Variants in THADA observed in about 807,000 individuals in gnomAD.
THADA encodes THADA armadillo repeat containing, also known as tRNA (32-2'-O)-methyltransferase regulator THADA.
THADA carries 213 observed loss-of-function variants against 219.8 expected under a neutral mutation model. The ratio of observed to expected loss-of-function variants is 0.97; its 90% CI spans 0.87 to 1.09. The LOEUF is 1.09. Among genes scored for constraint, THADA ranks in the 50% least tolerant of loss-of-function variants. The probability of loss-of-function intolerance (pLI) is 0.00; values close to 1 mark genes in which losing one functional copy is unlikely to be tolerated. For synonymous variants in THADA, 1,018 were observed against 828.9 expected, an observed-to-expected ratio of 1.23 and a Z score of -3.92; for missense variants, 2,956 against 2,311.3, an observed-to-expected ratio of 1.28 and a Z score of -5.72.
chr2:43,316,567 C>G (rs539760080), intron 31 of THADA, among the ~76,000 whole-genome samples: 31 of 152,078 alleles, frequency 2.0e-4, no homozygotes, highest in Non-Finnish European at 4.3e-4. Context: ...ACAGTGAAGG[C>G]GAGGAGGTGA....
At chr2:43,481,991 C>T (rs1031509369) in intron 26 of THADA, among the ~76,000 whole-genome samples, 1 of 152,144 alleles carries the variant, frequency 6.6e-6, no homozygotes, top group African/African-American at 2.4e-5. Flanking sequence ...ATTAGTTTAG[C>T]TCCTGTCCTG....
At chr2:43,341,618 A>C (rs1214340027) in intron 30 of THADA, among the ~76,000 whole-genome samples, 4 of 152,204 alleles carry the variant, frequency 2.6e-5, no homozygotes, top group African/African-American at 9.6e-5. Flanking sequence ...AGATGCATGA[A>C]GGAGTAGCAA....
chr2:43,302,707 G>GA (rs141760170), intron 31 of THADA, among the ~76,000 whole-genome samples: 6,911 of 151,988 alleles, frequency 0.045, 489 homozygotes, highest in African/African-American at 0.16. Context: ...CCCCAAAAGG[G>GA]AAAAAATCAT....
intron 29 of THADA, among the ~76,000 whole-genome samples, chr2:43,366,764 C>T (rs1670202862): frequency 6.6e-6 from 1 of 152,092 alleles, no homozygotes; most frequent in Non-Finnish European, 1.5e-5. Flanking sequence ...AGTAACCTTG[C>T]AATACTACAT....
At chr2:43,519,773 A>C (rs1338556606) in intron 22 of THADA, among the ~76,000 whole-genome samples, 1 of 152,226 alleles carries the variant, frequency 6.6e-6, no homozygotes, top group African/African-American at 2.4e-5. Context: ...GGCGCACATT[A>C]GCTGTGCCTG....
chr2:43,435,036 A>T (rs932824534), intron 26 of THADA, among the ~76,000 whole-genome samples: 1 of 152,192 alleles, frequency 6.6e-6, no homozygotes, highest in African/African-American at 2.4e-5. Context: ...GCGAGCTACA[A>T]TCCCATCACA....
chr2:43,505,649 T>A lies in THADA; in HGVS notation c.3594A>T (p.Thr1198=), dbSNP rs1689578298. ...GGGGGACTGTACTCTGTATGTCATC[T>A]GTAGGCCCAGCCAAAGAGATTAACT... ...MKELISLAGP[T]DDIQSTVPQV... Residue 1198 remains threonine (T), a synonymous_variant, in exon 24 of 38, where the codon ACA becomes ACT. Transcript: ENST00000405975. The A allele has an allele frequency of 1.3e-6, 2 of 1,597,098 alleles. No individual in the cohort carries two copies. The highest frequency in any genetic ancestry group is 1.7e-6 in the Non-Finnish European group (2 of 1,170,530).
intron 29 of THADA, among the ~76,000 whole-genome samples, chr2:43,344,920 G>T (rs957155069): frequency 1.3e-5 from 2 of 152,216 alleles, no homozygotes; most frequent in Non-Finnish European, 2.9e-5. Flanking sequence ...CCTCTGTGAG[G>T]AGTACAAATC....
intron 22 of THADA, among the ~76,000 whole-genome samples, chr2:43,522,699 C>T (rs1015945519): frequency 6.6e-6 from 1 of 152,124 alleles, no homozygotes; most frequent in African/African-American, 2.4e-5. Context: ...TAATATCTGA[C>T]TCAACTATTA....
At chr2:43,344,746 G>A (rs10196095) in intron 29 of THADA, among the ~76,000 whole-genome samples, 37,953 of 151,258 alleles carry the variant, frequency 0.25, 5,651 homozygotes, top group African/African-American at 0.41. Context: ...AGTGATGTTT[G>A]TAACTATTTA....
chr2:43,421,418 C>T (rs901043065), intron 28 of THADA, among the ~76,000 whole-genome samples: 2 of 152,180 alleles, frequency 1.3e-5, no homozygotes, highest in African/African-American at 4.8e-5. Flanking sequence ...AGGTAGAGTG[C>T]TGGCCAGGGC....
chr2:43,325,235 T>C (rs1470880284), intron 30 of THADA, among the ~76,000 whole-genome samples: 2 of 151,818 alleles, frequency 1.3e-5, no homozygotes, highest in Non-Finnish European at 2.9e-5. Flanking sequence ...AGCAGAAGTC[T>C]TGGGGAAGTC....
At chr2:43,439,279 G>T (rs1158416321) in intron 26 of THADA, among the ~76,000 whole-genome samples, 1 of 127,784 alleles carries the variant, frequency 7.8e-6, no homozygotes, top group Admixed American at 7.4e-5. Flanking sequence ...GAGACGGAGA[G>T]AGAGAGAGAA....
At position 43,345,371 on chromosome 2, in the gene THADA, A is replaced by C. The variant is rs140892818; in HGVS notation, c.4228-1134T>G. On this transcript the variant is annotated intron_variant, in intron 29 of 37. Coordinates refer to ENST00000405975, the MANE Select transcript of THADA (RefSeq NM_022065.5). ...CTGGGTCAGACGTCTGCAATCACCAACAACAAATACATGCCAAGCACCTTC... is the reference window on the plus strand; with the variant it reads ...CTGGGTCAGACGTCTGCAATCACCACCAACAAATACATGCCAAGCACCTTC... 9.0e-3 allele frequency among the ~76,000 whole-genome samples: 1,366 copies of C among 152,350 alleles called. 12 individuals carry two copies. Among genetic ancestry groups the C allele is most frequent in the South Asian group, 0.017 (80 of 4,828 alleles).
At chr2:43,586,664 C>T (rs753246374) in intron 6 of THADA, 38 bp downstream of exon 6, 3 of 1,591,818 alleles carry the variant, frequency 1.9e-6, no homozygotes, top group African/African-American at 2.7e-5. Flanking sequence ...TCATACAAGC[C>T]ATCAACTCAT....
At chr2:43,376,125 G>T (rs1671355643) in intron 29 of THADA, among the ~76,000 whole-genome samples, 1 of 152,176 alleles carries the variant, frequency 6.6e-6, no homozygotes, top group Non-Finnish European at 1.5e-5. Flanking sequence ...CACATAACCA[G>T]TAATGCTCTC....
intron 26 of THADA, among the ~76,000 whole-genome samples, chr2:43,449,834 A>C (rs1300522187): frequency 6.6e-6 from 1 of 152,236 alleles, no homozygotes; most frequent in African/African-American, 2.4e-5. Context: ...AATTTCTTAT[A>C]AACTTTGGAG....
chr2:43,582,689 C>G (rs992114304), intron 7 of THADA, among the ~76,000 whole-genome samples: 2 of 149,892 alleles, frequency 1.3e-5, no homozygotes, highest in African/African-American at 4.9e-5. Context: ...CCTGCCTCAT[C>G]CTCCCAAGTA....
chr2:43,482,094 C>T (rs983784483), intron 26 of THADA, among the ~76,000 whole-genome samples: 2 of 152,140 alleles, frequency 1.3e-5, no homozygotes, highest in Admixed American at 1.3e-4. Context: ...CAGAGCTTTG[C>T]TGGTTCTGAT....
Sources: gnomAD v4.1 joint callset for allele counts (sites outside exome capture counted in the v4.1 genomes callset) on GRCh38, gnomAD v4.1.1 for gene constraint, MANE v1.5 for transcripts, NCBI Gene and HGNC (gene_info 2026-07-23, HGNC 2026-07-21) for gene names.